ARHGEF3: variants seen among roughly 807,000 people sequenced by gnomAD.
ARHGEF3 encodes the protein 59.8 kDA protein.
Under a neutral mutation model 63.2 loss-of-function variants are expected in ARHGEF3, and 28 were observed. The ratio of observed to expected loss-of-function variants is 0.44; its 90% CI spans 0.33 to 0.61. The LOEUF is 0.61. Among genes scored for constraint, ARHGEF3 ranks in the 20% least tolerant of loss-of-function variants. The pLI, the probability that ARHGEF3 is intolerant of heterozygous loss-of-function variation, is 0.03. For missense variants in ARHGEF3, 533 were observed against 659.3 expected (o/e 0.81, Z 2.10); for synonymous variants, 266 against 254.2 (o/e 1.05, Z -0.44).
chr3:56,751,487 A>G (rs2034741454), intron 4 of ARHGEF3, 91 bp from the exon 5 acceptor site: 1 of 1,029,584 alleles, frequency 9.7e-7, no homozygotes, highest in South Asian at 1.4e-5. Flanking sequence ...GTCCTATCCA[A>G]TAACAAAACT....
chr3:56,941,173 A>C (rs1699160508), intron 3 of ARHGEF3: 1 of 152,402 alleles, frequency 6.6e-6, no homozygotes. Flanking sequence ...CCTTCTGTGT[A>C]CCCAGATTTC....
At position 56,995,620 on chromosome 3, in the gene ARHGEF3, C is replaced by CGAGAGAGAGAGAGA. The variant is rs66778716; in HGVS notation, c.63-36745_63-36732dup. 4.9e-3 allele frequency among the ~76,000 whole-genome samples: 560 copies of CGAGAGAGAGAGAGA among 113,162 alleles called. 17 individuals are homozygous for CGAGAGAGAGAGAGA. The highest frequency in any genetic ancestry group is 7.1e-3 in the Admixed American group (77 of 10,782). The allele number at this position is 113,162 out of a possible 152,430, so 74.2% of individuals were successfully genotyped here. On this transcript the variant is annotated intron_variant, in intron 2 of 12. Transcript: ENST00000338458. ...AGGGGGCAAAAGAGAGTAAATTTTCCGAGAGAGAGAGAGAGAGAGAGAGAG... is the reference window on the plus strand; with the variant it reads ...AGGGGGCAAAAGAGAGTAAATTTTCCGAGAGAGAGAGAGAGAGAGAGAGAGAGAGAGAGAGAGAG...
Position 56,763,715 on chromosome 3 carries a change from T to G in ARHGEF3, c.205-8564A>C, listed in dbSNP as rs546629405. Among the ~76,000 whole-genome samples, 7 of 152,194 alleles carry G rather than the reference T, an allele frequency of 4.6e-5. No individual in the cohort carries two copies. In the South Asian group the frequency reaches 1.0e-3, roughly 23 times the overall value. ...TAATTTTTGTTTTCTTTTTAAAATT[T>G]TATTTATTTTTAATTTTTTGATTTT... is the stretch of plus-strand genomic sequence containing the variant. On this transcript the variant is annotated intron_variant, in intron 2 of 9. Transcript: ENST00000296315.
At chr3:56,996,890 ATTTT>A (rs534187681) in intron 2 of ARHGEF3, among the ~76,000 whole-genome samples, 25 of 136,500 alleles carry the variant, frequency 1.8e-4, no homozygotes, top group Admixed American at 4.4e-4. Flanking sequence ...TATTATTATT[ATTTT>A]TTTTTTTTTT....
At chr3:56,794,676 A>C (rs1181707451) in intron 1 of ARHGEF3, among the ~76,000 whole-genome samples, 1 of 152,158 alleles carries the variant, frequency 6.6e-6, no homozygotes, top group African/African-American at 2.4e-5. Flanking sequence ...GCTCAAGTCC[A>C]TGATATAAAA....
At chr3:56,773,492 GAAAGGCCCAACCA>G (rs2036116231) in intron 2 of ARHGEF3, among the ~76,000 whole-genome samples, 1 of 152,170 alleles carries the variant, frequency 6.6e-6, no homozygotes, top group African/African-American at 2.4e-5. Context: ...CAATTGTGGG[GAAAGGCCCAACCA>G]CAACAGCTCT....
chr3:57,066,363 G>A (rs952942824), intron 1 of ARHGEF3, among the ~76,000 whole-genome samples: 3 of 151,862 alleles, frequency 2.0e-5, no homozygotes, highest in African/African-American at 7.3e-5. Flanking sequence ...CCAGGTTCAA[G>A]CGATTCACCT....
intron 1 of ARHGEF3, chr3:57,073,986 C>T (rs1706080769): frequency 6.2e-7 from 1 of 1,614,076 alleles, no homozygotes; most frequent in Non-Finnish European, 8.5e-7. Context: ...CGCTGTATCC[C>T]AAATAAATCT....
chr3:56,845,984 G>C (rs534578973), intron 4 of ARHGEF3, among the ~76,000 whole-genome samples: 9 of 152,306 alleles, frequency 5.9e-5, no homozygotes, highest in African/African-American at 1.9e-4. Context: ...CTGTGATAAT[G>C]AAACAAAAAT....
At chr3:56,783,083 G>C (rs1327178164) in intron 1 of ARHGEF3, among the ~76,000 whole-genome samples, 1 of 152,100 alleles carries the variant, frequency 6.6e-6, no homozygotes, top group Non-Finnish European at 1.5e-5. Flanking sequence ...GTATAAGGAG[G>C]ACAGTTGGCA....
At chr3:56,846,655 T>C (rs901617760) in intron 4 of ARHGEF3, among the ~76,000 whole-genome samples, 2 of 152,148 alleles carry the variant, frequency 1.3e-5, no homozygotes, top group African/African-American at 2.4e-5. Flanking sequence ...CCCAAAATTA[T>C]ATGGTAGTAT....
chr3:56,763,553 G>A (rs772348979), intron 2 of ARHGEF3, among the ~76,000 whole-genome samples: 5 of 152,232 alleles, frequency 3.3e-5, no homozygotes, highest in Middle Eastern at 3.4e-3. Context: ...CAGTTGTTAA[G>A]AAACATTCTT....
intron 4 of ARHGEF3, among the ~76,000 whole-genome samples, chr3:56,859,729 G>A (rs1238956300): frequency 6.6e-6 from 1 of 150,472 alleles, no homozygotes; most frequent in East Asian, 2.0e-4. Context: ...GTTAGAGACA[G>A]GTTTTGCCAT....
intron 1 of ARHGEF3, among the ~76,000 whole-genome samples, chr3:56,781,555 A>G (rs1039275267): frequency 6.6e-6 from 1 of 152,078 alleles, no homozygotes; most frequent in African/African-American, 2.4e-5. Context: ...CTCTGCTGAC[A>G]TTTTCATTTC....
chr3:56,952,430 A>G (rs1254619345), intron 3 of ARHGEF3, among the ~76,000 whole-genome samples: 1 of 152,186 alleles, frequency 6.6e-6, no homozygotes, highest in East Asian at 1.9e-4. Context: ...CAGTCTCAGG[A>G]GATCTTGGGC....
At chr3:56,848,417 C>T (rs970308367) in intron 4 of ARHGEF3, among the ~76,000 whole-genome samples, 17 of 152,270 alleles carry the variant, frequency 1.1e-4, no homozygotes, top group African/African-American at 3.9e-4. Context: ...CCTCGGTCTC[C>T]CCAACTGTAC....
intron 1 of ARHGEF3, among the ~76,000 whole-genome samples, chr3:57,058,070 T>A (rs527642574): frequency 6.6e-6 from 1 of 152,210 alleles, no homozygotes; most frequent in African/African-American, 2.4e-5. Flanking sequence ...CATGGCCACA[T>A]TCACCAAAAG....
At chr3:56,861,373 C>G (rs1354503747) in intron 4 of ARHGEF3, among the ~76,000 whole-genome samples, 1 of 152,142 alleles carries the variant, frequency 6.6e-6, no homozygotes, top group Non-Finnish European at 1.5e-5. Context: ...GGAACTGGAA[C>G]CTAATCTATC....
intron 1 of ARHGEF3, among the ~76,000 whole-genome samples, chr3:57,053,355 G>T (rs1187569402): frequency 6.6e-6 from 1 of 151,966 alleles, no homozygotes; most frequent in Admixed American, 6.6e-5. Flanking sequence ...GAGCTCCATG[G>T]CAGGAAAAAC....
Sources: gnomAD v4.1 joint callset for allele counts (sites outside exome capture counted in the v4.1 genomes callset) on GRCh38, gnomAD v4.1.1 for gene constraint, MANE v1.5 for transcripts, NCBI Gene and HGNC (gene_info 2026-07-23, HGNC 2026-07-21) for gene names.